PANK2: variants seen among roughly 807,000 people sequenced by gnomAD.
PANK2 encodes the protein pantothenate kinase 2, mitochondrial.
A neutral mutation model predicts 43.1 loss-of-function variants in PANK2; 36 were observed. The ratio of observed to expected loss-of-function variants is 0.84; its 90% confidence interval spans 0.64 to 1.10. The LOEUF (loss-of-function observed/expected upper bound fraction) is 1.10, where lower values mean the gene tolerates loss of function less well. Ranked by LOEUF, PANK2 falls within the 50% of genes least tolerant of loss-of-function variation. The pLI, the probability that PANK2 is intolerant of heterozygous loss-of-function variation, is 0.00. For missense variants in PANK2, 576 were observed against 593.3 expected (o/e 0.97, Z 0.30); for synonymous variants, 281 against 238.2 (o/e 1.18, Z -1.66).
intron 6 of PANK2, 74 bp from the exon 7 acceptor site, chr20:3,923,154 GTGGTTGGCTTTAACAC>G: frequency 7.0e-7 from 1 of 1,424,526 alleles, no homozygotes; most frequent in Non-Finnish European, 9.9e-7. Context: ...TGTGTGGGCA[GTGGTTGGCTTTAACAC>G]TAGTCATCAT....
chr20:3,923,274 G>A lies in PANK2; in HGVS notation c.1363G>A (p.Glu455Lys). The A allele has an allele frequency of 6.2e-7, 1 of 1,614,164 alleles. No homozygotes were observed. The highest frequency in any genetic ancestry group is 8.5e-7 in the Non-Finnish European group (1 of 1,180,022). The change falls in exon 7 of 7, where the codon GAG (glutamate) becomes AAG (lysine). Residue 455 changes from glutamate (E) to lysine (K), a missense_variant. Transcript: ENST00000610179. ...TTTTGGAGCTGTTGGAGCACTCCTT[G>A]AGCTGTTGAAGATCCCGTGATCATT...
At chr20:3,914,016 G>C (rs111470119) in intron 4 of PANK2, among the ~76,000 whole-genome samples, 15,872 of 151,020 alleles carry the variant, frequency 0.11, 923 homozygotes, top group Middle Eastern at 0.18. Flanking sequence ...GTCTCGATCT[G>C]CTGACCTCAT....
intron 1 of PANK2, among the ~76,000 whole-genome samples, chr20:3,902,376 C>T (rs764246952): frequency 4.6e-5 from 7 of 151,578 alleles, no homozygotes; most frequent in Non-Finnish European, 7.4e-5. Flanking sequence ...TGTGGCCAGA[C>T]TGTAGTACAG....
At position 3,928,747 on chromosome 20, in the gene PANK2, C is replaced by CAAAAAAAAAA. The variant is rs528166005; in HGVS notation, c.*5476_*5485dup. 1.2e-4 allele frequency: 7 copies of CAAAAAAAAAA among 56,858 alleles called. No individual in the cohort carries two copies. The highest frequency in any genetic ancestry group is 1.7e-4 in the Non-Finnish European group (5 of 29,026). 3.5% of individuals were successfully genotyped at this position (56,858 alleles called of 1,614,324 possible). A position where few individuals can be genotyped will look rare whatever the true frequency, so the allele number is the denominator to read the frequency against. On this transcript the variant is annotated 3_prime_UTR_variant, in exon 7 of 7. Transcript: ENST00000610179. ...TGGGTGACAGAGCGAGACTCCGTCT[C>CAAAAAAAAAA]AAAAAAAAAAAAAAAAAAAAAAAAA...
intron 4 of PANK2, among the ~76,000 whole-genome samples, chr20:3,913,773 C>CACAT (rs1555788875): frequency 9.7e-6 from 1 of 102,872 alleles, no homozygotes; most frequent in Non-Finnish European, 2.2e-5. Flanking sequence ...CACACACACA[C>CACAT]ACATATATAT....
intron 1 of PANK2, among the ~76,000 whole-genome samples, chr20:3,902,978 C>G (rs1413492831): frequency 4.1e-5 from 2 of 48,632 alleles, no homozygotes; most frequent in Non-Finnish European, 9.6e-5. Context: ...TATAGACACA[C>G]ACACACACAC....
At position 3,889,652 on chromosome 20, in the gene PANK2, G is replaced by T. The variant is rs1394032823; in HGVS notation, c.222G>T (p.Arg74=). The T allele has an allele frequency of 6.3e-7, 1 of 1,586,424 alleles. No homozygotes were observed. The highest frequency in any genetic ancestry group is 1.1e-5 in the South Asian group (1 of 89,318). ...GGGCCTCGGCTGAGGGCACGAGGCGGGATCGACTGGGCTCTTACAGCGGCC... is the reference window on the plus strand; with the variant it reads ...GGGCCTCGGCTGAGGGCACGAGGCGTGATCGACTGGGCTCTTACAGCGGCC... Residue 74 remains arginine (R), a synonymous_variant, in exon 1 of 7, where the codon CGG becomes CGT. Transcript: ENST00000610179.
chr20:3,920,313 C>G (rs1600576375), intron 6 of PANK2, among the ~76,000 whole-genome samples: 1 of 151,872 alleles, frequency 6.6e-6, no homozygotes, highest in Non-Finnish European at 1.5e-5. Context: ...GGAGACCAGC[C>G]TGGCCAACCA....
At position 3,916,918 on chromosome 20, in the gene PANK2, C is replaced by CTTCCCT. The variant is rs397720776; in HGVS notation, c.1083-9_1083-8insTTCCCT. 2 of 1,613,822 alleles carry CTTCCCT rather than the reference C, an allele frequency of 1.2e-6. No homozygotes were observed. Among genetic ancestry groups the CTTCCCT allele is most frequent in the Non-Finnish European group, 8.5e-7 (1 of 1,179,932 alleles). ...GTTTAGCAATGGGATTTTTTTTCCC[C>CTTCCCT]CATCACAGCTTTGGAAACATGATGA... is the stretch of plus-strand genomic sequence containing the variant. On this transcript the variant is annotated splice_polypyrimidine_tract_variant and intron_variant, in intron 4 of 6. Coordinates refer to ENST00000610179, the MANE Select transcript of PANK2 (RefSeq NM_001386393.1).
Position 3,907,954 on chromosome 20 carries a change from T to G in PANK2, c.327T>G (p.Gly109=), listed in dbSNP as rs1457719077. The stretch of plus-strand genomic sequence containing the variant: ...TTCCATGGTTTGGACTGGATATCGG[T>G]GGAACTCTGGTCAAGCTGGTATATT... Residue 109 remains glycine, a synonymous_variant, in exon 2 of 7, where the codon GGT becomes GGG. Transcript: ENST00000610179. 25 of 1,614,040 alleles carry G rather than the reference T, an allele frequency of 1.5e-5. No individual in the cohort carries two copies. Among genetic ancestry groups the G allele is most frequent in the Non-Finnish European group, 2.1e-5 (25 of 1,180,022 alleles).
At chr20:3,906,729 T>C (rs939756244) in intron 1 of PANK2, among the ~76,000 whole-genome samples, 2 of 152,140 alleles carry the variant, frequency 1.3e-5, no homozygotes, top group Non-Finnish European at 2.9e-5. Flanking sequence ...ATTTGAAAAA[T>C]CATTACTTTG....
At chr20:3,913,544 A>G (rs1442897662) in intron 4 of PANK2, among the ~76,000 whole-genome samples, 1 of 151,810 alleles carries the variant, frequency 6.6e-6, no homozygotes, top group African/African-American at 2.4e-5. Flanking sequence ...GGATTTCTCC[A>G]TGTTGGCCGG....
At chr20:3,893,993 G>A (rs1198539805) in intron 1 of PANK2, among the ~76,000 whole-genome samples, 1 of 146,816 alleles carries the variant, frequency 6.8e-6, no homozygotes, top group East Asian at 2.0e-4. Flanking sequence ...GTGCAGTGGT[G>A]CAATCTTGGC....
intron 1 of PANK2, among the ~76,000 whole-genome samples, chr20:3,896,770 G>C (rs1296391982): frequency 6.6e-6 from 1 of 152,168 alleles, no homozygotes; most frequent in African/African-American, 2.4e-5. Context: ...GAGCACAGAA[G>C]TTCCGTGTCC....
At chr20:3,902,015 C>T (rs1235085795) in intron 1 of PANK2, among the ~76,000 whole-genome samples, 3 of 151,970 alleles carry the variant, frequency 2.0e-5, no homozygotes, top group African/African-American at 7.2e-5. Flanking sequence ...TAGGATGTGT[C>T]TAAGTTGTCT....
At chr20:3,913,790 A>ATATAT (rs1237943840) in intron 4 of PANK2, among the ~76,000 whole-genome samples, 2 of 138,482 alleles carry the variant, frequency 1.4e-5, no homozygotes, top group East Asian at 4.3e-4. Flanking sequence ...ATATATATAT[A>ATATAT]TTTTTTTTTT....
chr20:3,904,234 A>C (rs1231815690), intron 1 of PANK2, among the ~76,000 whole-genome samples: 1 of 151,886 alleles, frequency 6.6e-6, no homozygotes, highest in East Asian at 1.9e-4. Flanking sequence ...TTTGGTTTTC[A>C]GAGCATTCTT....
intron 5 of PANK2, 130 bp from the exon 6 acceptor site, chr20:3,918,541 A>T (rs1336212902): frequency 7.9e-7 from 1 of 1,269,812 alleles, no homozygotes; most frequent in East Asian, 2.3e-5. Context: ...GCCCTGGACC[A>T]ACTGGACTAA....
intron 5 of PANK2, among the ~76,000 whole-genome samples, chr20:3,917,925 T>C (rs1459947413): frequency 1.3e-5 from 2 of 152,340 alleles, no homozygotes; most frequent in African/African-American, 4.8e-5. Context: ...CATTTCATGG[T>C]TGTATATTTA....
Sources: gnomAD v4.1 joint callset for allele counts (sites outside exome capture counted in the v4.1 genomes callset) on GRCh38, gnomAD v4.1.1 for gene constraint, MANE v1.5 for transcripts, NCBI Gene and HGNC (gene_info 2026-07-23, HGNC 2026-07-21) for gene names.